RFX4: variants seen among roughly 807,000 people sequenced by gnomAD.
The protein encoded by RFX4 is regulatory factor X4.
RFX4 carries 10 observed loss-of-function variants against 95.0 expected under a neutral mutation model. That is an observed-to-expected ratio of 0.11 (90% CI 0.06 to 0.18). The LOEUF is 0.18. RFX4 is among the 10% of genes least tolerant of loss of function. The pLI is 1.00. For missense variants in RFX4, 640 were observed against 922.0 expected, an observed-to-expected ratio of 0.69 and a Z score of 3.96; for synonymous variants, 321 against 340.7, an observed-to-expected ratio of 0.94 and a Z score of 0.64.
At chr12:106,751,882 T>C (rs1204603092) in intron 17 of RFX4, among the ~76,000 whole-genome samples, 1 of 150,284 alleles carries the variant, frequency 6.7e-6, no homozygotes, top group African/African-American at 2.4e-5. Context: ...TCCCATTTTG[T>C]AGGTTGCCTG....
At chr12:106,601,341 C>T (rs1195041124) in intron 1 of RFX4, 11 of 1,581,972 alleles carry the variant, frequency 7.0e-6, no homozygotes, top group Non-Finnish European at 8.6e-6. Context: ...CGGCGCCGTT[C>T]CACTGGTAAT....
chr12:106,720,471 TC>T lies in RFX4; in HGVS notation c.1234-284del, dbSNP rs2042375193. 6.6e-6 allele frequency among the ~76,000 whole-genome samples: 1 copy of T among 152,032 alleles called. No individual in the cohort carries two copies. Among genetic ancestry groups the T allele is most frequent in the African/African-American group, 2.4e-5 (1 of 41,392 alleles). On this transcript the variant is annotated intron_variant, in intron 12 of 17. Transcript: ENST00000392842. This position sits in a 1 kb window ranked among gnomAD's most constrained non-coding sequence, Gnocchi z 4.2. ...ATCACAGCTCACTGCAGCCTTGACC[TC>T]CCCAGGCTCATGTGATCCTCCCACC... is the stretch of plus-strand genomic sequence containing the variant.
Position 106,699,203 on chromosome 12 carries a change from A to G in RFX4, c.833+2757A>G, listed in dbSNP as rs371136943. ...GAAGTAAACTGTTTAATTTCTAAATATTTGGGGATTTTCAAGATATCTTTC... is the reference window on the plus strand; with the variant it reads ...GAAGTAAACTGTTTAATTTCTAAATGTTTGGGGATTTTCAAGATATCTTTC... On this transcript the variant is annotated intron_variant, in intron 8 of 17. Transcript: ENST00000392842. Among the ~76,000 whole-genome samples the G allele has an allele frequency of 1.6e-4, 25 of 152,220 alleles. No homozygotes were observed. In the East Asian group the frequency reaches 4.8e-3, roughly 29 times the overall value.
intron 1 of RFX4, among the ~76,000 whole-genome samples, chr12:106,587,797 G>T (rs780386236): frequency 2.0e-5 from 3 of 152,228 alleles, no homozygotes; most frequent in Non-Finnish European, 4.4e-5. Flanking sequence ...CTGAAAGGGT[G>T]ATGGGTTAGA....
intron 1 of RFX4, among the ~76,000 whole-genome samples, chr12:106,606,778 T>C (rs2039841632): frequency 6.6e-6 from 1 of 152,222 alleles, no homozygotes; most frequent in Admixed American, 6.5e-5. Context: ...AAAGAGCAGT[T>C]TGTTGGGACA....
intron 3 of RFX4, among the ~76,000 whole-genome samples, chr12:106,646,584 G>C (rs2040752081): frequency 6.6e-6 from 1 of 152,022 alleles, no homozygotes; most frequent in Non-Finnish European, 1.5e-5. Flanking sequence ...GATGACTACT[G>C]TTCTGGTCCA....
At chr12:106,625,762 T>C (rs1256455627) in intron 2 of RFX4, among the ~76,000 whole-genome samples, 1 of 152,206 alleles carries the variant, frequency 6.6e-6, no homozygotes, top group Non-Finnish European at 1.5e-5. Flanking sequence ...TATTAAAATA[T>C]ATTCAGCACC....
chr12:106,676,569 C>A (rs2041395692), intron 4 of RFX4, among the ~76,000 whole-genome samples: 1 of 152,136 alleles, frequency 6.6e-6, no homozygotes, highest in Non-Finnish European at 1.5e-5. Flanking sequence ...TAAGCAGGAG[C>A]ATTTCACTGC....
intron 1 of RFX4, among the ~76,000 whole-genome samples, chr12:106,607,405 A>T (rs1258858319): frequency 6.6e-6 from 1 of 152,182 alleles, no homozygotes; most frequent in Non-Finnish European, 1.5e-5. Context: ...AAAAGACCTG[A>T]AGATTGCTTT....
chr12:106,584,651 G>A (rs2039427015), intron 1 of RFX4, among the ~76,000 whole-genome samples: 1 of 152,242 alleles, frequency 6.6e-6, no homozygotes, highest in Admixed American at 6.5e-5. Flanking sequence ...TCGGGGCATT[G>A]CCCCAGAAGG....
At chr12:106,660,339 C>T (rs2041047076) in intron 4 of RFX4, among the ~76,000 whole-genome samples, 1 of 151,890 alleles carries the variant, frequency 6.6e-6, no homozygotes. Flanking sequence ...GCCTGAGAAC[C>T]AGGCTGGTTG....
chr12:106,689,248 T>C (rs1423320098), intron 6 of RFX4, 39 bp from the exon 7 acceptor site: 7 of 1,479,084 alleles, frequency 4.7e-6, no homozygotes, highest in South Asian at 3.4e-5. Context: ...TGTGTATTAA[T>C]GTATGTCTTT....
At chr12:106,690,895 C>G (rs2041766870) in intron 7 of RFX4, among the ~76,000 whole-genome samples, 1 of 152,200 alleles carries the variant, frequency 6.6e-6, no homozygotes, top group Admixed American at 6.5e-5. Flanking sequence ...GCAGTCCCCC[C>G]TTATGTTCAT....
rs140926166 is a variant in RFX4 at position 106,618,247 on chromosome 12, A to G, written c.130+9364A>G. 2.8e-3 allele frequency among the ~76,000 whole-genome samples: 419 copies of G among 152,144 alleles called. 2 individuals carry two copies. The highest frequency in any genetic ancestry group is 9.5e-3 in the African/African-American group (396 of 41,538). ...ATATGTTATAGATAACATATGTTAT[A>G]GATTAACAACAGTGAAGTTGGTTAA... On this transcript the variant is annotated intron_variant, in intron 2 of 17. Coordinates refer to ENST00000392842, the MANE Select transcript of RFX4 (RefSeq NM_213594.3).
intron 3 of RFX4, among the ~76,000 whole-genome samples, chr12:106,649,306 G>T (rs563553958): frequency 1.3e-5 from 2 of 152,312 alleles, no homozygotes; most frequent in Non-Finnish European, 2.9e-5. Context: ...TTTGGGCAAA[G>T]GTGTCATGAT....
At chr12:106,640,082 A>C (rs1269606152) in intron 3 of RFX4, among the ~76,000 whole-genome samples, 1 of 152,226 alleles carries the variant, frequency 6.6e-6, no homozygotes, top group Non-Finnish European at 1.5e-5. Flanking sequence ...TGGGGAAAAG[A>C]AAGGAACTAA....
intron 15 of RFX4, among the ~76,000 whole-genome samples, chr12:106,745,482 T>C (rs2042874164): frequency 6.6e-6 from 1 of 152,186 alleles, no homozygotes; most frequent in South Asian, 2.1e-4. Flanking sequence ...TAGGACACCA[T>C]TTCCACATTT....
intron 3 of RFX4, among the ~76,000 whole-genome samples, chr12:106,648,549 T>TA (rs1180983711): frequency 3.3e-5 from 5 of 150,226 alleles, no homozygotes; most frequent in African/African-American, 9.8e-5. Flanking sequence ...AGTGATAAGT[T>TA]AAAATAGTTA....
chr12:106,752,854 C>G (rs1178805820), intron 17 of RFX4, among the ~76,000 whole-genome samples: 1 of 152,114 alleles, frequency 6.6e-6, no homozygotes, highest in African/African-American at 2.4e-5. Context: ...GCTGGACACT[C>G]TACCTGTCTA....
Sources: gnomAD v4.1 joint callset for allele counts (sites outside exome capture counted in the v4.1 genomes callset) on GRCh38, gnomAD v4.1.1 for gene constraint, Gnocchi (gnomAD v3.1) non-coding constraint, MANE v1.5 for transcripts, NCBI Gene and HGNC (gene_info 2026-07-23, HGNC 2026-07-21) for gene names.